KAZN: variants seen among roughly 807,000 people sequenced by gnomAD.
KAZN encodes kazrin, periplakin interacting protein, also known as kazrin.
A neutral mutation model predicts 87.4 loss-of-function variants in KAZN; 40 were observed. The ratio of observed to expected loss-of-function variants is 0.46; its 90% CI spans 0.36 to 0.60. The LOEUF (loss-of-function observed/expected upper bound fraction) is 0.60. Ranked by LOEUF, KAZN falls within the 20% of genes least tolerant of loss-of-function variation. The pLI is 0.00. For missense variants in KAZN, 898 were observed against 1,073.9 expected, an observed-to-expected ratio of 0.84 and a Z score of 2.29; for synonymous variants, 466 against 458.3, an observed-to-expected ratio of 1.02 and a Z score of -0.22.
At chr1:14,581,906 C>G (rs990679110) in intron 2 of KAZN, among the ~76,000 whole-genome samples, 10 of 152,144 alleles carry the variant, frequency 6.6e-5, no homozygotes, top group African/African-American at 2.2e-4. Flanking sequence ...TCCTTCTCCC[C>G]CTTCGTCCTT....
At chr1:14,334,551 A>G (rs1047419038) in intron 2 of KAZN, among the ~76,000 whole-genome samples, 3 of 151,950 alleles carry the variant, frequency 2.0e-5, no homozygotes, top group Non-Finnish European at 4.4e-5. Flanking sequence ...GTGGGAAATC[A>G]GTGGCCAGTT....
At chr1:13,964,854 G>A (rs185263746) in intron 1 of KAZN, among the ~76,000 whole-genome samples, 1 of 152,206 alleles carries the variant, frequency 6.6e-6, no homozygotes, top group East Asian at 1.9e-4. Flanking sequence ...TGAGAAGGGT[G>A]CAGGTCGCAG....
At chr1:14,912,015 G>A (rs1657302932) in intron 1 of KAZN, among the ~76,000 whole-genome samples, 1 of 151,936 alleles carries the variant, frequency 6.6e-6, no homozygotes, top group Admixed American at 6.6e-5. Flanking sequence ...AGCTGGGTGT[G>A]GTGACGGGCA....
intron 2 of KAZN, among the ~76,000 whole-genome samples, chr1:14,371,807 CAGG>C (rs762332557): frequency 2.3e-4 from 35 of 152,238 alleles, no homozygotes; most frequent in African/African-American, 7.5e-4. Context: ...AACCAAGAAA[CAGG>C]AGAATTATCT....
intron 1 of KAZN, among the ~76,000 whole-genome samples, chr1:14,628,924 G>T (rs1203375388): frequency 6.8e-6 from 1 of 147,244 alleles, no homozygotes; most frequent in African/African-American, 2.5e-5. Context: ...TCCACTCACT[G>T]CAACCTCTGT....
At chr1:15,105,608 C>T (rs1177759161) in intron 13 of KAZN, among the ~76,000 whole-genome samples, 1 of 151,764 alleles carries the variant, frequency 6.6e-6, no homozygotes, top group East Asian at 1.9e-4. Flanking sequence ...GTTTTGTTGA[C>T]AGAGCCCAGA....
At chr1:15,108,616 A>G (rs1641380284) in intron 13 of KAZN, among the ~76,000 whole-genome samples, 1 of 152,134 alleles carries the variant, frequency 6.6e-6, no homozygotes. Flanking sequence ...CCAGCACAGC[A>G]TCTTGTGCCT....
intron 1 of KAZN, among the ~76,000 whole-genome samples, chr1:14,800,999 G>A (rs1297429517): frequency 6.7e-6 from 1 of 149,892 alleles, no homozygotes; most frequent in African/African-American, 2.5e-5. Flanking sequence ...AAAAAACACT[G>A]AATTGTACAC....
intron 1 of KAZN, among the ~76,000 whole-genome samples, chr1:14,780,163 G>A (rs1475869731): frequency 3.9e-5 from 6 of 152,316 alleles, no homozygotes; most frequent in African/African-American, 1.4e-4. Context: ...CTTCTTTAGG[G>A]CTTTTGAGTT....
chr1:14,568,901 T>G (rs6689247), intron 2 of KAZN, among the ~76,000 whole-genome samples: 7,028 of 152,296 alleles, frequency 0.046, 571 homozygotes, highest in African/African-American at 0.16. Context: ...AAACACTGAT[T>G]GTGGACCTAC....
At chr1:14,957,618 T>G (rs1663291397) in intron 1 of KAZN, among the ~76,000 whole-genome samples, 1 of 152,168 alleles carries the variant, frequency 6.6e-6, no homozygotes. Flanking sequence ...CGGAGCCGTT[T>G]TAGGTCTCTT....
intron 1 of KAZN, among the ~76,000 whole-genome samples, chr1:14,673,572 G>A (rs896945896): frequency 9.9e-5 from 15 of 152,184 alleles, no homozygotes; most frequent in African/African-American, 3.6e-4. Flanking sequence ...GCATTTCACA[G>A]TAGGAGCAGC....
intron 1 of KAZN, among the ~76,000 whole-genome samples, chr1:14,624,174 G>T (rs923115581): frequency 6.6e-6 from 1 of 152,164 alleles, no homozygotes; most frequent in African/African-American, 2.4e-5. Context: ...TGAAATCCCA[G>T]CACTTTGGGA....
At chr1:15,092,888 A>G (rs1450005776) in intron 8 of KAZN, among the ~76,000 whole-genome samples, 1 of 151,764 alleles carries the variant, frequency 6.6e-6, no homozygotes, top group South Asian at 2.1e-4. Context: ...AACCATATAT[A>G]GAAGAGTGGG....
chr1:14,276,286 C>T (rs748984304), intron 2 of KAZN, among the ~76,000 whole-genome samples: 15 of 151,876 alleles, frequency 9.9e-5, no homozygotes, highest in Non-Finnish European at 2.1e-4. Context: ...TCATCATCAT[C>T]GTCATCAGTA....
At chr1:14,396,163 C>T (rs931764234) in intron 2 of KAZN, among the ~76,000 whole-genome samples, 1 of 102,670 alleles carries the variant, frequency 9.7e-6, no homozygotes, top group African/African-American at 3.7e-5. Context: ...AGCAAGACTC[C>T]GTCTCAAAAA....
intron 13 of KAZN, among the ~76,000 whole-genome samples, chr1:15,110,295 A>G (rs527286777): frequency 2.3e-4 from 33 of 146,526 alleles, no homozygotes; most frequent in African/African-American, 7.9e-4. Context: ...GTGTGTGTGT[A>G]TATGTATGTG....
rs1228368562 is a variant in KAZN, at chr1:15,021,179, C to T, written c.419-13570C>T. 2.0e-5 allele frequency among the ~76,000 whole-genome samples: 3 copies of T among 152,154 alleles called. No individual in the cohort carries two copies. Among genetic ancestry groups the T allele is most frequent in the Non-Finnish European group, 4.4e-5 (3 of 68,020 alleles). On this transcript the variant is annotated intron_variant, in intron 2 of 14. Transcript: ENST00000376030. The surrounding 1 kb of genome is among the most constrained non-coding windows in gnomAD (Gnocchi z 4.2). Reference sequence around the variant, plus strand: ...CCCAGTGTCCTGCCTCCCTGTCCACCGGCCATTCCCTGCTCCATGCTGCCT... The same window carrying T: ...CCCAGTGTCCTGCCTCCCTGTCCACTGGCCATTCCCTGCTCCATGCTGCCT...
chr1:14,697,852 TA>T (rs1231936466), intron 1 of KAZN, among the ~76,000 whole-genome samples: 7 of 152,238 alleles, frequency 4.6e-5, no homozygotes, highest in Non-Finnish European at 8.8e-5. Context: ...CACATGCCTT[TA>T]ATTCCATCTC....
Sources: gnomAD v4.1 joint callset for allele counts (sites outside exome capture counted in the v4.1 genomes callset) on GRCh38, gnomAD v4.1.1 for gene constraint, Gnocchi (gnomAD v3.1) non-coding constraint, MANE v1.5 for transcripts, NCBI Gene and HGNC (gene_info 2026-07-23, HGNC 2026-07-21) for gene names.